The following THSD4 variants were observed in gnomAD, a reference collection of about 807,000 sequenced individuals.
The protein encoded by THSD4 is thrombospondin type 1 domain containing 4.
THSD4 carries 69 observed loss-of-function variants against 119.0 expected under a neutral mutation model. The observed-to-expected ratio is 0.58, with a 90% CI of 0.48 to 0.71. The LOEUF (loss-of-function observed/expected upper bound fraction) is 0.71, where lower values mean the gene tolerates loss of function less well. Among genes scored for constraint, THSD4 ranks in the 30% least tolerant of loss-of-function variants. The pLI, the probability that THSD4 is intolerant of heterozygous loss-of-function variation, is 0.00. For missense variants in THSD4, 1,393 were observed against 1,391.1 expected, an observed-to-expected ratio of 1.00 and a Z score of -0.02; for synonymous variants, 524 against 540.4, an observed-to-expected ratio of 0.97 and a Z score of 0.42.
At chr15:71,692,494 G>A (rs543567571) in intron 8 of THSD4, among the ~76,000 whole-genome samples, 2 of 152,180 alleles carry the variant, frequency 1.3e-5, no homozygotes, top group South Asian at 4.1e-4. Flanking sequence ...TTCATTCACC[G>A]AGTTGGAAGA....
At chr15:71,154,774 C>T in intron 2 of THSD4, 89 bp from the exon 3 acceptor site, 1 of 1,314,944 alleles carries the variant, frequency 7.6e-7, no homozygotes. Context: ...CCCCCCCCAT[C>T]CACTGATGAG....
intron 7 of THSD4, among the ~76,000 whole-genome samples, chr15:71,432,393 G>T (rs1003985798): frequency 1.3e-5 from 2 of 152,180 alleles, no homozygotes; most frequent in Non-Finnish European, 2.9e-5. Flanking sequence ...TTTAACCAAA[G>T]TGATAATTTA....
chr15:71,204,012 A>G (rs772428147), intron 3 of THSD4, among the ~76,000 whole-genome samples: 12 of 152,132 alleles, frequency 7.9e-5, no homozygotes, highest in Non-Finnish European at 1.5e-5. Context: ...TATTTCATGC[A>G]TTACTCATTA....
At chr15:71,314,698 A>G (rs2045162278) in intron 6 of THSD4, among the ~76,000 whole-genome samples, 1 of 152,194 alleles carries the variant, frequency 6.6e-6, no homozygotes, top group Non-Finnish European at 1.5e-5. Flanking sequence ...TTTGTATCAC[A>G]AAGTTGTGAT....
At chr15:71,605,709 C>T (rs1046058233) in intron 7 of THSD4, among the ~76,000 whole-genome samples, 3 of 152,098 alleles carry the variant, frequency 2.0e-5, no homozygotes, top group Non-Finnish European at 2.9e-5. Flanking sequence ...TTTTGGACAC[C>T]TAAGTAAAGA....
chr15:71,535,777 G>A (rs2048682016), intron 7 of THSD4, among the ~76,000 whole-genome samples: 1 of 152,068 alleles, frequency 6.6e-6, no homozygotes, highest in Non-Finnish European at 1.5e-5. Flanking sequence ...ATTTTTAATT[G>A]AGTTTTCATT....
At chr15:71,131,436 G>A (rs1321999045) in intron 1 of THSD4, among the ~76,000 whole-genome samples, 3 of 150,812 alleles carry the variant, frequency 2.0e-5, no homozygotes, top group East Asian at 1.9e-4. Flanking sequence ...CGGGTGGCTC[G>A]CGGAGCGAGT....
intron 5 of THSD4, among the ~76,000 whole-genome samples, chr15:71,245,604 A>G (rs576947124): frequency 2.6e-5 from 4 of 152,234 alleles, no homozygotes; most frequent in Non-Finnish European, 5.9e-5. Context: ...GTGGAGCCAC[A>G]TAGGACTTGC....
intron 6 of THSD4, among the ~76,000 whole-genome samples, chr15:71,339,815 A>C (rs1185470588): frequency 6.6e-6 from 1 of 152,030 alleles, no homozygotes. Flanking sequence ...CCCAGGCTAG[A>C]GTGCAGTGGC....
rs77207502 is a variant in THSD4 at position 71,768,097 on chromosome 15, T to G, written c.2769+2898T>G. Among the ~76,000 whole-genome samples, 1,056 of 152,282 alleles carry G rather than the reference T, an allele frequency of 6.9e-3. 6 individuals are homozygous for G. The highest frequency in any genetic ancestry group is 0.012 in the Non-Finnish European group (789 of 68,010). ...GGGAAAGATTCAAGTGTTTATGCTT[T>G]CTTTCTTAAACGACATACCACTGGG... On this transcript the variant is annotated intron_variant, in intron 16 of 17. Transcript: ENST00000261862.
chr15:71,209,928 T>C (rs1487898235), intron 3 of THSD4, among the ~76,000 whole-genome samples: 3 of 152,248 alleles, frequency 2.0e-5, no homozygotes, highest in African/African-American at 7.2e-5. Context: ...TCTCTTGTTC[T>C]TCTCTCTTGA....
Position 71,215,060 on chromosome 15 carries a change from G to A in THSD4, c.125G>A (p.Gly42Asp), listed in dbSNP as rs2043919454. 2 of 1,293,268 alleles carry A rather than the reference G, an allele frequency of 1.5e-6. No homozygotes were observed. The highest frequency in any genetic ancestry group is 8.4e-5 in the Admixed American group (2 of 23,682). 80.1% of individuals were successfully genotyped at this position (1,293,268 alleles called of 1,614,324 possible). The change falls in exon 4 of 18, where the codon GGC becomes GAC. Residue 42 changes from glycine to aspartate, a missense_variant. Gly to Asp is a moderately conservative substitution (Grantham distance 94). Transcript: ENST00000261862. ...GTCCCGCAGCGGATGGCGGCGGAGG[G>A]CGCCCCCGAGGACGACGGCGGCGGC... ...RKVPQRMAAE[G>D]APEDDGGGGA...
chr15:71,199,690 GGT>G (rs2043766202), intron 3 of THSD4, among the ~76,000 whole-genome samples: 1 of 59,034 alleles, frequency 1.7e-5, no homozygotes, highest in Non-Finnish European at 4.7e-5. Context: ...GTGTGTGTGT[GGT>G]GTGTGTGGTG....
chr15:71,486,611 GTTTTT>G (rs200120589), intron 7 of THSD4, among the ~76,000 whole-genome samples: 14 of 131,756 alleles, frequency 1.1e-4, no homozygotes, highest in Non-Finnish European at 9.7e-5. Context: ...TTTCTTTTCT[GTTTTT>G]TTTTTTTTTT....
At chr15:71,641,586 A>G (rs2050859005) in intron 7 of THSD4, among the ~76,000 whole-genome samples, 1 of 152,118 alleles carries the variant, frequency 6.6e-6, no homozygotes, top group Non-Finnish European at 1.5e-5. Context: ...CAGAACTGCA[A>G]TCCTGGAGGG....
At chr15:71,441,595 A>G (rs1236524172) in intron 7 of THSD4, among the ~76,000 whole-genome samples, 3 of 151,306 alleles carry the variant, frequency 2.0e-5, no homozygotes, top group South Asian at 2.1e-4. Flanking sequence ...GGGTTTCACT[A>G]TGTTGGCCAG....
In THSD4 at chr15:71,154,486, C is replaced by G. The variant is rs529002699; in HGVS notation, c.30-377C>G. Among the ~76,000 whole-genome samples, 6 of 152,362 alleles carry G rather than the reference C, an allele frequency of 3.9e-5. No homozygotes were observed. The South Asian group carries it at 1.2e-3, about 32-fold the overall frequency. On this transcript the variant is annotated intron_variant, in intron 2 of 17. Transcript: ENST00000261862. Reference sequence around the variant, plus strand: ...AAGGACCGCATGTGGGCTACACTAGCACTCCCTCTGCCAGGCACGGTGCAT... The same window carrying G: ...AAGGACCGCATGTGGGCTACACTAGGACTCCCTCTGCCAGGCACGGTGCAT...
intron 1 of THSD4, among the ~76,000 whole-genome samples, chr15:71,138,521 C>T (rs2040571104): frequency 6.6e-6 from 1 of 152,194 alleles, no homozygotes. Context: ...TCACCTCAAC[C>T]ATTCACTTAC....
chr15:71,664,491 C>A (rs2051376596), intron 8 of THSD4, among the ~76,000 whole-genome samples: 1 of 151,952 alleles, frequency 6.6e-6, no homozygotes, highest in Non-Finnish European at 1.5e-5. Context: ...GATTTAATCA[C>A]CTCATTTAAT....
Sources: allele counts gnomAD v4.1 joint callset (sites outside exome capture counted in the v4.1 genomes callset), GRCh38; gene constraint gnomAD v4.1.1; transcripts MANE v1.5; gene names NCBI Gene and HGNC (gene_info 2026-07-23, HGNC 2026-07-21).